TEX264: variants seen among roughly 807,000 people sequenced by gnomAD.
TEX264 encodes the protein testis-expressed protein 264.
Under a neutral mutation model 23.4 loss-of-function variants are expected in TEX264, and 13 were observed. That is an observed-to-expected ratio of 0.56 (90% confidence interval 0.36 to 0.88). TEX264 has a LOEUF of 0.88. Among genes scored for constraint, TEX264 ranks in the 40% least tolerant of loss-of-function variants. The probability of loss-of-function intolerance (pLI) is 0.01; values close to 1 mark genes in which losing one functional copy is unlikely to be tolerated. For synonymous variants in TEX264, 159 were observed against 170.0 expected (o/e 0.94, Z 0.50); for missense variants, 340 against 406.8 (o/e 0.84, Z 1.41).
intron 3 of TEX264, among the ~76,000 whole-genome samples, chr3:51,695,503 C>T (rs1403677741): frequency 3.9e-5 from 6 of 152,212 alleles, no homozygotes; most frequent in Non-Finnish European, 5.9e-5. Context: ...GAATACAAAG[C>T]ACTAAATGAG....
At chr3:51,699,266 C>A in intron 3 of TEX264, 140 bp from the exon 4 acceptor site, 2 of 808,604 alleles carry the variant, frequency 2.5e-6, no homozygotes, top group Non-Finnish European at 3.9e-6. Flanking sequence ...CTCAGCAGGG[C>A]TTTGGAACTT....
chr3:51,699,669 T>G, intron 4 of TEX264, 95 bp downstream of exon 4: 1 of 1,442,666 alleles, frequency 6.9e-7, no homozygotes, highest in South Asian at 1.2e-5. Context: ...CTCTCTGGGT[T>G]GGCACTGTGG....
At chr3:51,678,166 T>C (rs1702293334) in intron 2 of TEX264, among the ~76,000 whole-genome samples, 1 of 152,202 alleles carries the variant, frequency 6.6e-6, no homozygotes. Flanking sequence ...CCTTTAGCCC[T>C]GCTTCTGCGG....
chr3:51,704,138 C>G lies in TEX264; in HGVS notation c.*122C>G. 1 of 968,864 alleles carries G rather than the reference C, an allele frequency of 1.0e-6. No homozygotes were observed. The highest frequency in any genetic ancestry group is 1.4e-6 in the Non-Finnish European group (1 of 726,796). The allele number at this position is 968,864 out of a possible 1,614,324, so 60.0% of individuals were successfully genotyped here. ...AGGGGTTCCTGAGGGACCTGACTTCCCCTGCTCCAGGCCTCTTGCTAAGCC... is the reference window on the plus strand; with the variant it reads ...AGGGGTTCCTGAGGGACCTGACTTCGCCTGCTCCAGGCCTCTTGCTAAGCC... On this transcript the variant is annotated 3_prime_UTR_variant, in exon 5 of 5. Coordinates refer to ENST00000341333, the MANE Select transcript of TEX264 (RefSeq NM_015926.6).
chr3:51,672,796 T>C (rs1702094444), intron 1 of TEX264, among the ~76,000 whole-genome samples: 1 of 152,178 alleles, frequency 6.6e-6, no homozygotes, highest in African/African-American at 2.4e-5. Context: ...TTGGATTGCT[T>C]TGAGGGTGAA....
At chr3:51,680,124 A>G (rs1702371898) in intron 2 of TEX264, among the ~76,000 whole-genome samples, 1 of 152,146 alleles carries the variant, frequency 6.6e-6, no homozygotes, top group Non-Finnish European at 1.5e-5. Flanking sequence ...TGGGAAGAGT[A>G]AGGGCAGCCC....
chr3:51,684,537 C>T lies in TEX264; in HGVS notation c.383C>T (p.Pro128Leu). Residue 128 changes from proline to leucine, a missense_variant, in exon 3 of 5, where the codon CCC (proline) becomes CTC (leucine). Pro to Leu is a moderately conservative substitution (Grantham distance 98). Transcript: ENST00000341333. ...TTCAAGGTGTTCTCCTTCCCGGCAC[C>T]CAGCCATGTGGTGACAGCCACCTTC... ...FGFKVFSFPA[P>L]SHVVTATFPY... The T allele has an allele frequency of 6.2e-7, 1 of 1,613,964 alleles. No individual in the cohort carries two copies. Among genetic ancestry groups the T allele is most frequent in the Non-Finnish European group, 8.5e-7 (1 of 1,179,996 alleles).
At chr3:51,702,862 G>A (rs1448436050) in intron 4 of TEX264, among the ~76,000 whole-genome samples, 1 of 152,210 alleles carries the variant, frequency 6.6e-6, no homozygotes, top group Admixed American at 6.5e-5. Context: ...TATTGGGGGT[G>A]GAAGGAGCAG....
chr3:51,686,168 G>C lies in TEX264; in HGVS notation c.480+1534G>C, dbSNP rs1471750073. 1.3e-5 allele frequency among the ~76,000 whole-genome samples: 2 copies of C among 152,286 alleles called. No individual in the cohort carries two copies. Among genetic ancestry groups the C allele is most frequent in the East Asian group, 3.9e-4 (2 of 5,168 alleles). The stretch of plus-strand genomic sequence containing the variant: ...GGCTGGGCTGGTGGATATATTTGGG[G>C]ACATCAGCCTGTTGGCAGTATTTGA... On this transcript the variant is annotated intron_variant, in intron 3 of 4. Transcript: ENST00000341333. The surrounding 1 kb of genome is among the most constrained non-coding windows in gnomAD (Gnocchi z 4.1).
At chr3:51,677,718 G>T (rs1245207961) in intron 2 of TEX264, among the ~76,000 whole-genome samples, 1 of 152,320 alleles carries the variant, frequency 6.6e-6, no homozygotes, top group East Asian at 1.9e-4. Flanking sequence ...ACAAGAAAGG[G>T]TACCACTAAG....
chr3:51,685,483 AG>A (rs1316259949), intron 3 of TEX264, among the ~76,000 whole-genome samples: 1 of 152,268 alleles, frequency 6.6e-6, no homozygotes. Context: ...GTGCTAGAGA[AG>A]GAGAGGGTGA....
At position 51,686,797 on chromosome 3, in the gene TEX264, G is replaced by A. The variant is rs535551560; in HGVS notation, c.480+2163G>A. Reference sequence around the variant, plus strand: ...CAAGGAAGGCCTCTCCAGTCCTGTCGGTGCCATCCTCAACCTCATGGGCCC... The same window carrying A: ...CAAGGAAGGCCTCTCCAGTCCTGTCAGTGCCATCCTCAACCTCATGGGCCC... On this transcript the variant is annotated intron_variant, in intron 3 of 4. Transcript: ENST00000341333. This position sits in a 1 kb window ranked among gnomAD's most constrained non-coding sequence, Gnocchi z 4.1. 1.4e-4 allele frequency among the ~76,000 whole-genome samples: 22 copies of A among 152,200 alleles called. No homozygotes were observed. Among genetic ancestry groups the A allele is most frequent in the Non-Finnish European group, 2.9e-4 (20 of 67,996 alleles).
rs1305707677 is a variant in TEX264, at chr3:51,684,425, A to C, written c.271A>C (p.Lys91Gln). The C allele has an allele frequency of 6.2e-7, 1 of 1,613,968 alleles. No individual in the cohort carries two copies. The highest frequency in any genetic ancestry group is 8.5e-7 in the Non-Finnish European group (1 of 1,179,942). Reference protein sequence around the residue: ...YDNPHMVPPDKCRCAVGSILS... With the variant: ...YDNPHMVPPDQCRCAVGSILS... ...TTTGCTTCCCCAGGTGCCCCCTGAT[A>C]AGTGCCGATGTGCCGTGGGCAGCAT... The change falls in exon 3 of 5, where the codon AAG (lysine) becomes CAG (glutamine). Residue 91 changes from lysine (K) to glutamine (Q), a missense_variant. Transcript: ENST00000341333.
chr3:51,676,193 T>C (rs1225231624), intron 2 of TEX264, among the ~76,000 whole-genome samples: 1 of 152,180 alleles, frequency 6.6e-6, no homozygotes, highest in African/African-American at 2.4e-5. Context: ...CTGCCCCCCC[T>C]TCCACACCTG....
At chr3:51,699,835 C>T (rs897691410) in intron 4 of TEX264, among the ~76,000 whole-genome samples, 2 of 152,132 alleles carry the variant, frequency 1.3e-5, no homozygotes, top group Admixed American at 1.3e-4. Context: ...GCCTGGATTC[C>T]CTCCAGATGC....
intron 4 of TEX264, among the ~76,000 whole-genome samples, chr3:51,701,244 C>G (rs1703291026): frequency 6.6e-6 from 1 of 151,612 alleles, no homozygotes; most frequent in Admixed American, 6.6e-5. Context: ...CCCAGGGATG[C>G]AGGCATGGGA....
rs1702633093 is a variant in TEX264, at chr3:51,686,661, G to T, written c.480+2027G>T. Among the ~76,000 whole-genome samples, 1 of 151,906 alleles carries T rather than the reference G, an allele frequency of 6.6e-6. No homozygotes were observed. The highest frequency in any genetic ancestry group is 1.5e-5 in the Non-Finnish European group (1 of 67,950). ...GGCAGGATGTGCTTGCCTGGCTGCGGTTGGACTGGAGGTGGGGGCGGGCTG... is the reference window on the plus strand; with the variant it reads ...GGCAGGATGTGCTTGCCTGGCTGCGTTTGGACTGGAGGTGGGGGCGGGCTG... On this transcript the variant is annotated intron_variant, in intron 3 of 4. Coordinates refer to ENST00000341333, the MANE Select transcript of TEX264 (RefSeq NM_015926.6). The surrounding 1 kb of genome is among the most constrained non-coding windows in gnomAD (Gnocchi z 4.1).
At chr3:51,678,694 G>T (rs1003977132) in intron 2 of TEX264, among the ~76,000 whole-genome samples, 4 of 152,202 alleles carry the variant, frequency 2.6e-5, no homozygotes, top group Non-Finnish European at 5.9e-5. Flanking sequence ...CACTAGGTCT[G>T]CAGGGGCCTG....
chr3:51,697,933 C>T lies in TEX264; in HGVS notation c.481-1473C>T, dbSNP rs189421298. Among the ~76,000 whole-genome samples, 9 of 152,326 alleles carry T rather than the reference C, an allele frequency of 5.9e-5. No individual in the cohort carries two copies. The East Asian group carries it at 1.5e-3, about 26-fold the overall frequency. On this transcript the variant is annotated intron_variant, in intron 3 of 4. Transcript: ENST00000341333. ...GACTCCAACTATTAAAAAATAATGA[C>T]TTTCCTTCACCGACCTTGGAAGCAT...
Sources: gnomAD v4.1 joint callset for allele counts (sites outside exome capture counted in the v4.1 genomes callset) on GRCh38, gnomAD v4.1.1 for gene constraint, Gnocchi (gnomAD v3.1) non-coding constraint, MANE v1.5 for transcripts, NCBI Gene and HGNC (gene_info 2026-07-23, HGNC 2026-07-21) for gene names.